The following DTWD2 variants were observed in gnomAD, a reference collection of about 807,000 sequenced individuals.
The protein encoded by DTWD2 is tRNA-uridine aminocarboxypropyltransferase 2.
Under a neutral mutation model 31.8 loss-of-function variants are expected in DTWD2, and 39 were observed. The observed-to-expected ratio is 1.22, with a 90% confidence interval of 0.95 to 1.60. The LOEUF (loss-of-function observed/expected upper bound fraction) is 1.60, where lower values mean the gene tolerates loss of function less well. Ranked by LOEUF, DTWD2 falls within the 40% of genes most tolerant of loss-of-function variation. DTWD2 has a pLI of 0.00. For synonymous variants in DTWD2, 180 were observed against 142.8 expected (o/e 1.26, Z -1.86); for missense variants, 515 against 381.5 (o/e 1.35, Z -2.92).
intron 4 of DTWD2, among the ~76,000 whole-genome samples, chr5:118,852,781 G>A (rs750236084): frequency 5.3e-5 from 8 of 152,116 alleles, no homozygotes; most frequent in Non-Finnish European, 8.8e-5. Context: ...GTACTTGTAT[G>A]TTGACTGCAG....
At chr5:118,883,655 C>T (rs116282764) in intron 4 of DTWD2, among the ~76,000 whole-genome samples, 235 of 152,210 alleles carry the variant, frequency 1.5e-3, no homozygotes, top group African/African-American at 5.3e-3. Flanking sequence ...GGAGAGAGAG[C>T]ACACAAGGGG....
intron 1 of DTWD2, among the ~76,000 whole-genome samples, chr5:118,954,004 C>T (rs1754524789): frequency 6.6e-6 from 1 of 152,190 alleles, no homozygotes; most frequent in Non-Finnish European, 1.5e-5. Context: ...GGCATGGTGG[C>T]TCATGCCTGT....
intron 4 of DTWD2, among the ~76,000 whole-genome samples, chr5:118,880,297 C>T (rs149772056): frequency 6.6e-6 from 1 of 152,124 alleles, no homozygotes; most frequent in South Asian, 2.1e-4. Context: ...TCCCAAACAT[C>T]AAATACAACC....
chr5:118,892,407 A>G (rs905168042), intron 4 of DTWD2, among the ~76,000 whole-genome samples: 5 of 152,148 alleles, frequency 3.3e-5, no homozygotes, highest in African/African-American at 4.8e-5. Flanking sequence ...TATCGGTTTA[A>G]AAACTATGCC....
At chr5:118,972,187 G>C (rs1383431655) in intron 1 of DTWD2, among the ~76,000 whole-genome samples, 1 of 152,014 alleles carries the variant, frequency 6.6e-6, no homozygotes, top group Non-Finnish European at 1.5e-5. Flanking sequence ...CCAGGAGCTG[G>C]GTTTTTGGAG....
chr5:118,855,942 G>C (rs1462815682), intron 4 of DTWD2, among the ~76,000 whole-genome samples: 1 of 151,980 alleles, frequency 6.6e-6, no homozygotes, highest in Non-Finnish European at 1.5e-5. Context: ...AATAGAATAG[G>C]TAATAGTTGA....
intron 1 of DTWD2, among the ~76,000 whole-genome samples, chr5:118,976,972 C>T (rs1004410248): frequency 6.6e-6 from 1 of 152,170 alleles, no homozygotes; most frequent in Non-Finnish European, 1.5e-5. Flanking sequence ...AGTAGCACAT[C>T]AAAAAGGTTA....
In DTWD2 at chr5:118,840,210, T is replaced by C. The variant is rs192223899; in HGVS notation, c.*707A>G. ...CATATTCCACTTATTATTTTCCATA[T>C]GAAAACATCAATAAAATAAGTTTAC... On this transcript the variant is annotated 3_prime_UTR_variant, in exon 6 of 6. Coordinates refer to ENST00000510708, the MANE Select transcript of DTWD2 (RefSeq NM_173666.4). The C allele has an allele frequency of 2.9e-4, 44 of 152,302 alleles. No individual in the cohort carries two copies. The East Asian group carries it at 8.1e-3, about 28-fold the overall frequency. The allele number at this position is 152,302 out of a possible 1,614,324, so 9.4% of individuals were successfully genotyped here.
intron 4 of DTWD2, among the ~76,000 whole-genome samples, chr5:118,879,940 C>A (rs958880123): frequency 1.3e-5 from 2 of 152,116 alleles, no homozygotes; most frequent in African/African-American, 4.8e-5. Context: ...TGCCCATGTA[C>A]CCCTAAACTT....
In DTWD2 at chr5:118,861,797, CA is replaced by C. The variant is rs1232257807; in HGVS notation, c.598-13580del. The stretch of plus-strand genomic sequence containing the variant: ...AATAATAGTACTTAGTGGTAGGTCC[CA>C]AAAAGAAAATAAAATGGACTGATAG... On this transcript the variant is annotated intron_variant, in intron 4 of 5. Transcript: ENST00000510708. Among the ~76,000 whole-genome samples, 5 of 150,434 alleles carry C rather than the reference CA, an allele frequency of 3.3e-5. No individual in the cohort carries two copies. In the East Asian group the frequency reaches 1.0e-3, roughly 31 times the overall value.
At chr5:118,916,809 A>T (rs906411785) in intron 4 of DTWD2, among the ~76,000 whole-genome samples, 1 of 152,210 alleles carries the variant, frequency 6.6e-6, no homozygotes, top group Admixed American at 6.5e-5. Flanking sequence ...GTTATTACTC[A>T]GAATAAAATC....
intron 4 of DTWD2, among the ~76,000 whole-genome samples, chr5:118,897,531 A>G (rs1753109853): frequency 6.6e-6 from 1 of 152,202 alleles, no homozygotes; most frequent in Non-Finnish European, 1.5e-5. Flanking sequence ...AAATTTTACC[A>G]TTTACATTCT....
chr5:118,952,178 G>GTAGATGGATCT (rs1374007619), intron 1 of DTWD2, among the ~76,000 whole-genome samples: 1 of 152,198 alleles, frequency 6.6e-6, no homozygotes, highest in African/African-American at 2.4e-5. Flanking sequence ...ACCAGAGGTC[G>GTAGATGGATCT]TAGATGGATC....
chr5:118,965,367 C>T (rs1239575268), intron 1 of DTWD2, among the ~76,000 whole-genome samples: 1 of 151,132 alleles, frequency 6.6e-6, no homozygotes, highest in Non-Finnish European at 1.5e-5. Context: ...TCTGCCCGGC[C>T]GCCCCTTCTG....
At chr5:118,922,092 T>C (rs1753717241) in intron 4 of DTWD2, among the ~76,000 whole-genome samples, 1 of 152,212 alleles carries the variant, frequency 6.6e-6, no homozygotes, top group Admixed American at 6.5e-5. Context: ...AACATTTCCA[T>C]ATTCACCTTG....
At chr5:118,896,274 G>A (rs1691418090) in intron 4 of DTWD2, among the ~76,000 whole-genome samples, 2 of 152,124 alleles carry the variant, frequency 1.3e-5, no homozygotes, top group East Asian at 3.9e-4. Context: ...ATTATTTCCA[G>A]TAATAAAAAG....
rs545416024 is a variant in DTWD2 at position 118,849,983 on chromosome 5, C to T, written c.598-1765G>A. The stretch of plus-strand genomic sequence containing the variant: ...TGTATACCTATGTAGCAAACCTGCA[C>T]ATCCTGCACATGTATCCCAGAACTT... On this transcript the variant is annotated intron_variant, in intron 4 of 5. Coordinates refer to ENST00000510708, the MANE Select transcript of DTWD2 (RefSeq NM_173666.4). Among the ~76,000 whole-genome samples, 66 of 151,428 alleles carry T rather than the reference C, an allele frequency of 4.4e-4. 2 individuals carry two copies. In the South Asian group the frequency reaches 0.013, roughly 31 times the overall value.
At chr5:118,944,697 T>G (rs1305363189) in intron 1 of DTWD2, 48 bp from the exon 2 acceptor site, 6 of 1,570,390 alleles carry the variant, frequency 3.8e-6, no homozygotes, top group South Asian at 1.1e-5. Flanking sequence ...AAAAATACAA[T>G]GATATAACAA....
chr5:118,974,949 C>T (rs1273738085), intron 1 of DTWD2, among the ~76,000 whole-genome samples: 11 of 152,228 alleles, frequency 7.2e-5, no homozygotes, highest in African/African-American at 2.6e-4. Context: ...CTCTGGCTGC[C>T]CTTAACATTT....
Sources: allele counts gnomAD v4.1 joint callset (sites outside exome capture counted in the v4.1 genomes callset), GRCh38; gene constraint gnomAD v4.1.1; transcripts MANE v1.5; gene names NCBI Gene and HGNC (gene_info 2026-07-23, HGNC 2026-07-21).